The following RIN3 variants were observed in gnomAD, a reference collection of about 807,000 sequenced individuals.
RIN3 encodes RAB5 interacting protein 3.
RIN3 carries 54 observed loss-of-function variants against 76.3 expected under a neutral mutation model. The ratio of observed to expected loss-of-function variants is 0.71; its 90% CI spans 0.57 to 0.89. The LOEUF is 0.89. RIN3 is among the 40% of genes least tolerant of loss of function. The probability of loss-of-function intolerance (pLI) is 0.00; values close to 1 mark genes in which losing one functional copy is unlikely to be tolerated. For synonymous variants in RIN3, 576 were observed against 564.0 expected (o/e 1.02, Z -0.30); for missense variants, 1,256 against 1,322.1 (o/e 0.95, Z 0.78).
intron 1 of RIN3, among the ~76,000 whole-genome samples, chr14:92,525,089 C>T (rs1045442287): frequency 2.0e-5 from 3 of 152,210 alleles, no homozygotes; most frequent in African/African-American, 7.2e-5. Flanking sequence ...TGGGTAGGGG[C>T]TGAACTTTCA....
intron 1 of RIN3, among the ~76,000 whole-genome samples, chr14:92,530,589 C>T (rs1255898898): frequency 6.6e-6 from 1 of 151,558 alleles, no homozygotes; most frequent in Non-Finnish European, 1.5e-5. Context: ...GAAACTGAGG[C>T]ACAGCAAATC....
At chr14:92,621,235 C>CAAA (rs572318532) in intron 4 of RIN3, among the ~76,000 whole-genome samples, 5 of 70,700 alleles carry the variant, frequency 7.1e-5, no homozygotes, top group African/African-American at 1.8e-4. Flanking sequence ...GACTCCGTCT[C>CAAA]AAAAAAAAAA....
intron 1 of RIN3, among the ~76,000 whole-genome samples, chr14:92,533,903 A>G (rs1896937216): frequency 6.6e-6 from 1 of 152,178 alleles, no homozygotes; most frequent in Non-Finnish European, 1.5e-5. Flanking sequence ...CAGTAGCCTC[A>G]TTTCAAGTGT....
At chr14:92,540,599 T>G (rs1305976034) in intron 1 of RIN3, among the ~76,000 whole-genome samples, 1 of 152,230 alleles carries the variant, frequency 6.6e-6, no homozygotes, top group African/African-American at 2.4e-5. Flanking sequence ...AGCCTGGAAC[T>G]GTGTTTTTGT....
rs571872223 is a variant in RIN3 at position 92,647,367 on chromosome 14, G to T, written c.533-4215G>T. On this transcript the variant is annotated intron_variant, in intron 5 of 9. Transcript: ENST00000216487. ...AACTAACATAAGGAGGAGCAATTCAGCCCTCAACTATATTCAGCAGTTGAT... is the reference window on the plus strand; with the variant it reads ...AACTAACATAAGGAGGAGCAATTCATCCCTCAACTATATTCAGCAGTTGAT... 2.0e-5 allele frequency among the ~76,000 whole-genome samples: 3 copies of T among 152,322 alleles called. No homozygotes were observed. In the East Asian group the frequency reaches 5.8e-4, roughly 29 times the overall value.
intron 3 of RIN3, among the ~76,000 whole-genome samples, chr14:92,590,132 C>A (rs1595439349): frequency 6.6e-6 from 1 of 152,178 alleles, no homozygotes; most frequent in Non-Finnish European, 1.5e-5. Context: ...GGCCTCCACA[C>A]TTTTGTGAGT....
At chr14:92,612,733 T>C (rs1459198885) in intron 3 of RIN3, among the ~76,000 whole-genome samples, 2 of 152,226 alleles carry the variant, frequency 1.3e-5, no homozygotes, top group Non-Finnish European at 2.9e-5. Context: ...GGGAGAGGTT[T>C]AATTGCAAAG....
chr14:92,546,298 CATGTA>C (rs1897264093), intron 1 of RIN3, among the ~76,000 whole-genome samples: 1 of 152,142 alleles, frequency 6.6e-6, no homozygotes, highest in Non-Finnish European at 1.5e-5. Flanking sequence ...CTGACACATT[CATGTA>C]ATGTATCAGA....
At chr14:92,584,884 A>G (rs974563970) in intron 3 of RIN3, among the ~76,000 whole-genome samples, 1 of 152,204 alleles carries the variant, frequency 6.6e-6, no homozygotes, top group East Asian at 1.9e-4. Context: ...AATAGGAACC[A>G]TGAGACAGTG....
At chr14:92,665,362 C>T (rs1888049848) in intron 7 of RIN3, among the ~76,000 whole-genome samples, 1 of 145,948 alleles carries the variant, frequency 6.9e-6, no homozygotes, top group African/African-American at 2.5e-5. Context: ...TTTCCACAGC[C>T]TTTGTCTCTT....
chr14:92,518,567 C>T (rs1810250698), intron 1 of RIN3, among the ~76,000 whole-genome samples: 1 of 152,178 alleles, frequency 6.6e-6, no homozygotes, highest in South Asian at 2.1e-4. Context: ...TGAGTAGGGA[C>T]CCTGCTTGGC....
chr14:92,671,553 A>G (rs1156927804), intron 7 of RIN3, among the ~76,000 whole-genome samples: 1 of 152,196 alleles, frequency 6.6e-6, no homozygotes, highest in Non-Finnish European at 1.5e-5. Context: ...TGAAATTAGT[A>G]GGAACGTGGG....
chr14:92,600,619 A>G (rs977348321), intron 3 of RIN3, among the ~76,000 whole-genome samples: 2 of 152,188 alleles, frequency 1.3e-5, no homozygotes, highest in African/African-American at 4.8e-5. Context: ...CATTGAATTC[A>G]GTTCTGAGCA....
chr14:92,682,293 T>G (rs1888696274), intron 8 of RIN3, among the ~76,000 whole-genome samples: 1 of 152,188 alleles, frequency 6.6e-6, no homozygotes, highest in Non-Finnish European at 1.5e-5. Context: ...TGTGAACTTG[T>G]CCCATATTGG....
chr14:92,629,723 T>C (rs1886496622), intron 4 of RIN3, among the ~76,000 whole-genome samples: 1 of 152,232 alleles, frequency 6.6e-6, no homozygotes, highest in African/African-American at 2.4e-5. Flanking sequence ...TTTTTAAATT[T>C]TGCGAACAAT....
At chr14:92,553,962 C>T (rs1475842246) in intron 1 of RIN3, among the ~76,000 whole-genome samples, 2 of 152,168 alleles carry the variant, frequency 1.3e-5, no homozygotes, top group African/African-American at 2.4e-5. Flanking sequence ...GGCCTCGTCC[C>T]CTGCCTTCCC....
intron 4 of RIN3, among the ~76,000 whole-genome samples, chr14:92,625,092 A>G (rs1371398158): frequency 6.6e-6 from 1 of 152,242 alleles, no homozygotes; most frequent in African/African-American, 2.4e-5. Context: ...GACCAAGTAT[A>G]TAATTCCTAA....
chr14:92,604,602 G>A (rs139037734), intron 3 of RIN3, among the ~76,000 whole-genome samples: 2 of 152,088 alleles, frequency 1.3e-5, no homozygotes, highest in East Asian at 3.9e-4. Context: ...TTGTGTCCCC[G>A]ATAACAATTT....
At chr14:92,598,416 G>T (rs997227134) in intron 3 of RIN3, among the ~76,000 whole-genome samples, 1 of 152,236 alleles carries the variant, frequency 6.6e-6, no homozygotes. Flanking sequence ...ACCCAGCTGA[G>T]CCTTGCCAAA....
Sources: allele counts gnomAD v4.1 joint callset (sites outside exome capture counted in the v4.1 genomes callset), GRCh38; gene constraint gnomAD v4.1.1; transcripts MANE v1.5; gene names NCBI Gene and HGNC (gene_info 2026-07-23, HGNC 2026-07-21).